LRRTM4: variants seen among roughly 807,000 people sequenced by gnomAD.
The protein encoded by LRRTM4 is leucine-rich repeat transmembrane neuronal protein 4.
Under a neutral mutation model 47.6 loss-of-function variants are expected in LRRTM4, and 25 were observed. That is an observed-to-expected ratio of 0.53 (90% CI 0.38 to 0.73). LRRTM4 has a LOEUF of 0.73. Ranked by LOEUF, LRRTM4 falls within the 30% of genes least tolerant of loss-of-function variation. The pLI, the probability that LRRTM4 is intolerant of heterozygous loss-of-function variation, is 0.00. For synonymous variants in LRRTM4, 311 were observed against 269.5 expected, an observed-to-expected ratio of 1.15 and a Z score of -1.51; for missense variants, 638 against 713.4, an observed-to-expected ratio of 0.89 and a Z score of 1.20.
At chr2:76,756,202 T>C (rs1673025285) in intron 3 of LRRTM4, among the ~76,000 whole-genome samples, 1 of 152,188 alleles carries the variant, frequency 6.6e-6, no homozygotes, top group Non-Finnish European at 1.5e-5. Flanking sequence ...ACATTCCTTT[T>C]TATGAACTTC....
intron 3 of LRRTM4, among the ~76,000 whole-genome samples, chr2:77,215,266 A>G (rs566468997): frequency 1.8e-4 from 28 of 152,228 alleles, no homozygotes; most frequent in Non-Finnish European, 3.2e-4. Context: ...TTATGGAAGA[A>G]GATTTCGAAG....
At chr2:77,354,954 C>CATAGAG (rs78510385) in intron 3 of LRRTM4, among the ~76,000 whole-genome samples, 137,448 of 151,704 alleles carry the variant, frequency 0.91, 62,852 homozygotes, top group Non-Finnish European at 0.96. Flanking sequence ...TTTACATATA[C>CATAGAG]ATAAAGATAG....
chr2:76,965,680 C>T (rs1317893761), intron 3 of LRRTM4, among the ~76,000 whole-genome samples: 1 of 151,324 alleles, frequency 6.6e-6, no homozygotes, highest in Non-Finnish European at 1.5e-5. Context: ...CTTGGTTCTA[C>T]TACTTACGCT....
At chr2:77,149,555 T>C (rs966509034) in intron 3 of LRRTM4, among the ~76,000 whole-genome samples, 6 of 152,198 alleles carry the variant, frequency 3.9e-5, no homozygotes, top group Admixed American at 3.3e-4. Context: ...TGCTAATGTA[T>C]GTGATCTGTG....
chr2:77,187,404 A>C (rs1673541520), intron 3 of LRRTM4, among the ~76,000 whole-genome samples: 1 of 149,344 alleles, frequency 6.7e-6, no homozygotes, highest in African/African-American at 2.5e-5. Context: ...GAGCCTGCCT[A>C]TATAAAAGTC....
At chr2:77,310,329 C>CAT (rs113049547) in intron 3 of LRRTM4, among the ~76,000 whole-genome samples, 1,663 of 150,546 alleles carry the variant, frequency 0.011, 12 homozygotes, top group African/African-American at 0.025. Flanking sequence ...CACACACATA[C>CAT]ATATATATAT....
At chr2:76,851,570 G>T (rs1284061175) in intron 3 of LRRTM4, among the ~76,000 whole-genome samples, 1 of 151,766 alleles carries the variant, frequency 6.6e-6, no homozygotes, top group Non-Finnish European at 1.5e-5. Context: ...AAATCATGGA[G>T]ACTATTCCTC....
chr2:77,276,516 G>T (rs969534354), intron 3 of LRRTM4, among the ~76,000 whole-genome samples: 4 of 150,346 alleles, frequency 2.7e-5, no homozygotes, highest in African/African-American at 9.8e-5. Context: ...ATATATATAT[G>T]TGTGTATATA....
intron 3 of LRRTM4, among the ~76,000 whole-genome samples, chr2:76,858,726 G>T (rs1279505041): frequency 1.3e-5 from 2 of 152,162 alleles, no homozygotes; most frequent in Admixed American, 6.5e-5. Context: ...ATTATAGGAA[G>T]ATTGTACTAG....
intron 3 of LRRTM4, among the ~76,000 whole-genome samples, chr2:77,041,305 G>A (rs1679024904): frequency 1.3e-5 from 2 of 151,436 alleles, no homozygotes; most frequent in Admixed American, 1.3e-4. Context: ...TACCACATTT[G>A]TAAAATCCAT....
intron 3 of LRRTM4, among the ~76,000 whole-genome samples, chr2:77,456,923 T>C: frequency 6.8e-6 from 1 of 147,658 alleles, no homozygotes; most frequent in East Asian, 2.0e-4. Flanking sequence ...TATATGAATC[T>C]ATAATAAACA....
At chr2:77,157,132 A>C (rs1398567500) in intron 3 of LRRTM4, among the ~76,000 whole-genome samples, 1 of 152,178 alleles carries the variant, frequency 6.6e-6, no homozygotes, top group East Asian at 1.9e-4. Context: ...TAGAAATCCT[A>C]GTAACACAGA....
At chr2:77,142,740 A>C (rs988103545) in intron 3 of LRRTM4, among the ~76,000 whole-genome samples, 1 of 152,158 alleles carries the variant, frequency 6.6e-6, no homozygotes, top group Non-Finnish European at 1.5e-5. Context: ...TGTCTACAAT[A>C]CTAACATGTT....
At chr2:77,203,165 C>A (rs185656008) in intron 3 of LRRTM4, among the ~76,000 whole-genome samples, 1 of 151,912 alleles carries the variant, frequency 6.6e-6, no homozygotes, top group Non-Finnish European at 1.5e-5. Context: ...AGTTCCTTAG[C>A]AGTGAGAACT....
intron 3 of LRRTM4, among the ~76,000 whole-genome samples, chr2:76,990,560 T>C (rs998899169): frequency 3.3e-5 from 5 of 151,760 alleles, no homozygotes; most frequent in Non-Finnish European, 7.4e-5. Flanking sequence ...GAATGGGCAT[T>C]ACATAATGAC....
chr2:77,399,116 A>T (rs1673831924), intron 3 of LRRTM4, among the ~76,000 whole-genome samples: 1 of 150,216 alleles, frequency 6.7e-6, no homozygotes, highest in Admixed American at 6.7e-5. Context: ...TGCCTCTCAA[A>T]CGTGATGCCA....
chr2:76,894,574 T>A (rs76652304), intron 3 of LRRTM4, among the ~76,000 whole-genome samples: 1 of 152,004 alleles, frequency 6.6e-6, no homozygotes, highest in Non-Finnish European at 1.5e-5. Flanking sequence ...TGGCAATACT[T>A]TGAAAAGTCA....
chr2:77,010,839 G>A (rs1677844662), intron 3 of LRRTM4, among the ~76,000 whole-genome samples: 1 of 152,094 alleles, frequency 6.6e-6, no homozygotes, highest in Admixed American at 6.6e-5. Context: ...CTTATCCACA[G>A]ACAATGTTCT....
At chr2:77,429,662 T>C (rs181523666) in intron 3 of LRRTM4, among the ~76,000 whole-genome samples, 3 of 152,150 alleles carry the variant, frequency 2.0e-5, no homozygotes, top group Admixed American at 2.0e-4. Context: ...AAAGTTGAAC[T>C]CATAGAAGTA....
Sources: allele counts gnomAD v4.1 joint callset (sites outside exome capture counted in the v4.1 genomes callset), GRCh38; gene constraint gnomAD v4.1.1; transcripts MANE v1.5; gene names NCBI Gene and HGNC (gene_info 2026-07-23, HGNC 2026-07-21).